The following RIPOR2 variants were observed in gnomAD, a reference collection of about 807,000 sequenced individuals.
RIPOR2 encodes rho family-interacting cell polarization regulator 2.
A neutral mutation model predicts 114.5 loss-of-function variants in RIPOR2; 39 were observed. The observed-to-expected ratio is 0.34, with a 90% CI of 0.26 to 0.44. The LOEUF (loss-of-function observed/expected upper bound fraction) is 0.44. RIPOR2 is among the 20% of genes least tolerant of loss of function. The pLI is 1.00. For synonymous variants in RIPOR2, 445 were observed against 484.4 expected (o/e 0.92, Z 1.07); for missense variants, 1,007 against 1,255.1 (o/e 0.80, Z 2.99).
chr6:24,984,968 G>A (rs1022955544), intron 1 of RIPOR2, among the ~76,000 whole-genome samples: 1 of 152,140 alleles, frequency 6.6e-6, no homozygotes, highest in Non-Finnish European at 1.5e-5. Context: ...GAAGCCCTGC[G>A]AGCCCCTCTG....
intron 12 of RIPOR2, among the ~76,000 whole-genome samples, chr6:24,844,767 G>T (rs115567012): frequency 0.022 from 3,288 of 152,168 alleles, 125 homozygotes; most frequent in African/African-American, 0.072. Flanking sequence ...GTGAGCCACC[G>T]CGCCTGGCCC....
At chr6:25,030,085 C>T (rs1199268929) in intron 1 of RIPOR2, among the ~76,000 whole-genome samples, 1 of 152,008 alleles carries the variant, frequency 6.6e-6, no homozygotes, top group Middle Eastern at 3.2e-3. Context: ...TCTCTCCCCT[C>T]TCTCCCATCC....
chr6:24,824,052 TG>T (rs1235686177), intron 19 of RIPOR2, among the ~76,000 whole-genome samples: 3 of 152,206 alleles, frequency 2.0e-5, no homozygotes, highest in African/African-American at 7.2e-5. Flanking sequence ...CCACCGCGCC[TG>T]GGCCCCTGTT....
intron 1 of RIPOR2, among the ~76,000 whole-genome samples, chr6:24,898,885 T>A (rs1768139193): frequency 6.6e-6 from 1 of 152,080 alleles, no homozygotes; most frequent in Non-Finnish European, 1.5e-5. Flanking sequence ...CTCCTTTTGA[T>A]ACTGGTATTC....
intron 1 of RIPOR2, among the ~76,000 whole-genome samples, chr6:24,993,132 T>C (rs1293951637): frequency 2.0e-5 from 3 of 152,256 alleles, no homozygotes; most frequent in African/African-American, 7.2e-5. Context: ...CTTCTCTCTA[T>C]TCTTTATTAG....
intron 13 of RIPOR2, 185 bp from the exon 14 acceptor site, chr6:24,839,457 G>T: frequency 7.0e-7 from 1 of 1,434,146 alleles, no homozygotes; most frequent in Non-Finnish European, 9.3e-7. Flanking sequence ...GGATAAAATG[G>T]CACAATATCT....
At chr6:24,971,523 T>C (rs1259404268) in intron 1 of RIPOR2, among the ~76,000 whole-genome samples, 1 of 152,242 alleles carries the variant, frequency 6.6e-6, no homozygotes, top group African/African-American at 2.4e-5. Context: ...GATGGGTGCT[T>C]TGCAAATTTA....
At chr6:25,021,644 G>A (rs1282514385) in intron 1 of RIPOR2, among the ~76,000 whole-genome samples, 1 of 152,166 alleles carries the variant, frequency 6.6e-6, no homozygotes, top group Non-Finnish European at 1.5e-5. Flanking sequence ...AGAGGGAAAG[G>A]GTGGGAAGGG....
intron 2 of RIPOR2, among the ~76,000 whole-genome samples, chr6:24,875,252 A>G (rs1478731065): frequency 6.6e-6 from 1 of 152,242 alleles, no homozygotes; most frequent in East Asian, 1.9e-4. Flanking sequence ...GTCCTGTTTC[A>G]GATGAGAGGA....
At chr6:24,854,838 G>T (rs944608752) in intron 8 of RIPOR2, among the ~76,000 whole-genome samples, 3 of 152,026 alleles carry the variant, frequency 2.0e-5, no homozygotes, top group Non-Finnish European at 4.4e-5. Context: ...GGCCATCCTG[G>T]CCAACATGGT....
intron 1 of RIPOR2, among the ~76,000 whole-genome samples, chr6:24,992,108 T>G (rs562118618): frequency 1.3e-5 from 2 of 152,326 alleles, no homozygotes; most frequent in South Asian, 4.1e-4. Context: ...GCTAAGAATC[T>G]GTGCACTGAG....
rs114415203 is a variant in RIPOR2, at chr6:24,859,782, C to T, written c.715+1191G>A. Reference sequence around the variant, plus strand: ...TTAGATGATTCATTGGAAAATGAAGCCCTCCTGTCGAGCCCTTTCAAAAAA... The same window carrying T: ...TTAGATGATTCATTGGAAAATGAAGTCCTCCTGTCGAGCCCTTTCAAAAAA... On this transcript the variant is annotated intron_variant, in intron 8 of 21. Coordinates refer to ENST00000643898, the MANE Select transcript of RIPOR2 (RefSeq NM_001286445.3). 5.8e-3 allele frequency among the ~76,000 whole-genome samples: 882 copies of T among 152,208 alleles called. 4 individuals are homozygous for T. The highest frequency in any genetic ancestry group is 0.02 in the African/African-American group (848 of 41,538).
intron 1 of RIPOR2, among the ~76,000 whole-genome samples, chr6:24,882,907 C>G (rs566624590): frequency 6.6e-6 from 1 of 152,178 alleles, no homozygotes; most frequent in African/African-American, 2.4e-5. Context: ...GTCCGCATTA[C>G]ATGTGCCTTT....
At chr6:24,986,672 C>T (rs1034159) in intron 1 of RIPOR2, among the ~76,000 whole-genome samples, 151,812 of 152,342 alleles carry the variant, frequency 1, 75,644 homozygotes, top group East Asian at 1. Context: ...CTGGAGATCA[C>T]GTCACAAACC....
At chr6:25,032,482 A>G (rs1445510155) in intron 1 of RIPOR2, among the ~76,000 whole-genome samples, 1 of 152,098 alleles carries the variant, frequency 6.6e-6, no homozygotes, top group East Asian at 1.9e-4. Flanking sequence ...TGGGATTGGA[A>G]ATGGTCTTCT....
intron 1 of RIPOR2, among the ~76,000 whole-genome samples, chr6:24,922,707 A>T (rs2114112076): frequency 6.6e-6 from 1 of 152,110 alleles, no homozygotes; most frequent in African/African-American, 2.4e-5. Context: ...CAAAAATACA[A>T]AAATTAGCCT....
chr6:24,961,935 G>A (rs570633290), intron 1 of RIPOR2, among the ~76,000 whole-genome samples: 1 of 152,216 alleles, frequency 6.6e-6, no homozygotes, highest in South Asian at 2.1e-4. Flanking sequence ...CCTATTCTAA[G>A]CATTTTTTAA....
chr6:24,808,892 T>C (rs1188597257), intron 21 of RIPOR2, among the ~76,000 whole-genome samples: 1 of 151,878 alleles, frequency 6.6e-6, no homozygotes, highest in African/African-American at 2.4e-5. Flanking sequence ...CCCAAGTAGC[T>C]GGGACTACAG....
At chr6:24,981,590 T>C (rs1344300910) in intron 1 of RIPOR2, among the ~76,000 whole-genome samples, 2 of 152,194 alleles carry the variant, frequency 1.3e-5, no homozygotes, top group Non-Finnish European at 2.9e-5. Flanking sequence ...GCCCAGGGTC[T>C]CCTGGCCAGC....
Sources: gnomAD v4.1 joint callset for allele counts (sites outside exome capture counted in the v4.1 genomes callset) on GRCh38, gnomAD v4.1.1 for gene constraint, MANE v1.5 for transcripts, NCBI Gene and HGNC (gene_info 2026-07-23, HGNC 2026-07-21) for gene names.